The following OTUD7B variants were observed in gnomAD, a reference collection of about 807,000 sequenced individuals.
OTUD7B encodes OTU domain-containing protein 7B.
Under a neutral mutation model 82.2 loss-of-function variants are expected in OTUD7B, and 34 were observed. That is an observed-to-expected ratio of 0.41 (90% CI 0.31 to 0.55). OTUD7B has a LOEUF of 0.55. Among genes scored for constraint, OTUD7B ranks in the 20% least tolerant of loss-of-function variants. OTUD7B has a pLI of 0.20. For synonymous variants in OTUD7B, 398 were observed against 402.7 expected (o/e 0.99, Z 0.14); for missense variants, 944 against 1,062.1 (o/e 0.89, Z 1.55).
intron 1 of OTUD7B, among the ~76,000 whole-genome samples, chr1:149,994,606 A>C (rs1212064731): frequency 0.16 from 15,460 of 96,490 alleles, 2,160 homozygotes; most frequent in African/African-American, 0.34. Flanking sequence ...AAAAAAAAAA[A>C]CCCAATTTTT....
At chr1:150,009,771 G>T (rs1652906918) in intron 1 of OTUD7B, among the ~76,000 whole-genome samples, 1 of 152,098 alleles carries the variant, frequency 6.6e-6, no homozygotes, top group Non-Finnish European at 1.5e-5. Context: ...ATTCCATCCC[G>T]ACCGGAGCCA....
chr1:149,946,108 G>A (rs951832828), intron 11 of OTUD7B, among the ~76,000 whole-genome samples: 4 of 151,694 alleles, frequency 2.6e-5, no homozygotes, highest in Non-Finnish European at 5.9e-5. Context: ...GTCAGGCGCG[G>A]TGGCTCACGC....
chr1:150,046,186 T>A, the OTUD7B span, among the ~76,000 whole-genome samples: 4 of 152,110 alleles, frequency 2.6e-5, no homozygotes, highest in Non-Finnish European at 5.9e-5. Flanking sequence ...TTGTGTGGCA[T>A]ATGGGTGATC....
At chr1:150,054,831 A>AAAAAAAAAAAAAAAAAACC in the OTUD7B span, 1 of 169,068 alleles carries the variant, frequency 5.9e-6, no homozygotes, top group Non-Finnish European at 1.2e-5. Flanking sequence ...AAAAAAAAAG[A>AAAAAAAAAAAAAAAAAACC]CGCTGCAGAA....
At chr1:150,029,982 C>T in the OTUD7B span, among the ~76,000 whole-genome samples, 2 of 152,198 alleles carry the variant, frequency 1.3e-5, no homozygotes, top group African/African-American at 4.8e-5. Context: ...TGCACTGGTT[C>T]TCTCTTGTCC....
the OTUD7B span, among the ~76,000 whole-genome samples, chr1:150,065,849 G>GTTTCTTTTTTTTTTTTTTT: frequency 2.4e-4 from 36 of 151,620 alleles, no homozygotes; most frequent in African/African-American, 8.1e-4. Flanking sequence ...TGTTCAAAAT[G>GTTTCTTTTTTTTTTTTTTT]TTTATGTTCC....
chr1:149,958,388 C>T (rs1553774988), intron 7 of OTUD7B, among the ~76,000 whole-genome samples: 1 of 112,894 alleles, frequency 8.9e-6, no homozygotes, highest in Non-Finnish European at 1.6e-5. Flanking sequence ...AGTGCAGTGG[C>T]ACGAACTCGG....
intron 11 of OTUD7B, among the ~76,000 whole-genome samples, chr1:149,947,044 C>T (rs1195151365): frequency 6.6e-6 from 1 of 152,144 alleles, no homozygotes; most frequent in Admixed American, 6.5e-5. Flanking sequence ...CAGAACAAGA[C>T]TCCATCTCAA....
the OTUD7B span, among the ~76,000 whole-genome samples, chr1:150,060,164 T>C: frequency 2.0e-5 from 3 of 152,234 alleles, no homozygotes; most frequent in Non-Finnish European, 4.4e-5. Context: ...TTCAGGCTAT[T>C]AGGTGACATC....
chr1:149,963,893 CAAAAA>C (rs1380065044), intron 6 of OTUD7B: 2 of 215,012 alleles, frequency 9.3e-6, no homozygotes, highest in African/African-American at 4.6e-5. Context: ...TTATTACAAG[CAAAAA>C]AACAAAACAA....
upstream of OTUD7B, among the ~76,000 whole-genome samples, chr1:150,014,365 C>G (rs1653207143): frequency 7.0e-6 from 1 of 142,574 alleles, no homozygotes; most frequent in Non-Finnish European, 1.5e-5. Context: ...CACCACTGCA[C>G]TCCAGCCTGG....
chr1:150,016,944 T>C, the OTUD7B span, among the ~76,000 whole-genome samples: 2 of 152,196 alleles, frequency 1.3e-5, no homozygotes, highest in African/African-American at 4.8e-5. Flanking sequence ...GTTTTCTCTC[T>C]GGAGAGAGTT....
the OTUD7B span, among the ~76,000 whole-genome samples, chr1:150,025,574 A>G: frequency 6.6e-6 from 1 of 152,088 alleles, no homozygotes; most frequent in Non-Finnish European, 1.5e-5. Context: ...ATTCTCTCCC[A>G]CTACAGACTG....
At chr1:150,057,587 C>T in the OTUD7B span, among the ~76,000 whole-genome samples, 838 of 152,148 alleles carry the variant, frequency 5.5e-3, 4 homozygotes, top group African/African-American at 0.019. Flanking sequence ...TGGATGATGA[C>T]GATACACAAT....
rs782463589 is a variant in OTUD7B, at chr1:149,944,426, C to T, written c.1963G>A (p.Gly655Arg). 5.6e-6 allele frequency: 9 copies of T among 1,614,154 alleles called. No homozygotes were observed. ...GGAGGAGGGCCACCCCCTATTCCTC[C>T]ATTCATGATCTTCCTCTCTGCCTCC... ...QKEAERKIMN[G>R]GIGGGPPPAK... The change falls in exon 12 of 12, where the codon GGA (glycine) becomes AGA (arginine). Residue 655 changes from glycine to arginine, a missense_variant. Gly to Arg is a moderately radical substitution (Grantham distance 125, BLOSUM62 -2). Coordinates refer to ENST00000581312, the MANE Select transcript of OTUD7B (RefSeq NM_020205.4).
At chr1:150,027,058 A>C in the OTUD7B span, among the ~76,000 whole-genome samples, 1 of 152,196 alleles carries the variant, frequency 6.6e-6, no homozygotes, top group African/African-American at 2.4e-5. Context: ...TCCAACTTTC[A>C]GCCTTCAGAT....
Position 149,971,229 on chromosome 1 carries a change from G to A in OTUD7B, c.108C>T (p.Ala36=), listed in dbSNP as rs77015846. 102,099 of 1,609,574 alleles carry A rather than the reference G, an allele frequency of 0.063. 3,752 individuals carry two copies. The highest frequency in any genetic ancestry group is 0.075 in the Non-Finnish European group (88,293 of 1,176,488). The change falls in exon 3 of 12, where the codon GCC becomes GCT. Residue 36 remains alanine, a synonymous_variant. Coordinates refer to ENST00000581312, the MANE Select transcript of OTUD7B (RefSeq NM_020205.4). ...GTAGCTGTTCAAAATCACTGAGGGC[G>A]GCATTCACATCCCAATTCTTTCCTG... ...LLEGKNWDVN[A]ALSDFEQLRQ...
chr1:149,998,625 C>T (rs1420942951), intron 1 of OTUD7B, among the ~76,000 whole-genome samples: 2 of 152,230 alleles, frequency 1.3e-5, no homozygotes, highest in Non-Finnish European at 2.9e-5. Flanking sequence ...AGCTATGTAA[C>T]TGTACTCCTC....
intron 1 of OTUD7B, among the ~76,000 whole-genome samples, chr1:149,995,817 G>A (rs1168104453): frequency 1.3e-5 from 2 of 152,226 alleles, no homozygotes; most frequent in East Asian, 1.9e-4. Flanking sequence ...AATAGTGGCC[G>A]TAATCTAAAA....
Sources: allele counts gnomAD v4.1 joint callset (sites outside exome capture counted in the v4.1 genomes callset), GRCh38; gene constraint gnomAD v4.1.1; transcripts MANE v1.5; gene names NCBI Gene and HGNC (gene_info 2026-07-23, HGNC 2026-07-21).